Variants in CASR observed in about 807,000 individuals in gnomAD.
CASR encodes extracellular calcium-sensing receptor.
Under a neutral mutation model 69.1 loss-of-function variants are expected in CASR, and 23 were observed. The ratio of observed to expected loss-of-function variants is 0.33; its 90% CI spans 0.24 to 0.47. The LOEUF (loss-of-function observed/expected upper bound fraction) is 0.47. Ranked by LOEUF, CASR falls within the 20% of genes least tolerant of loss-of-function variation. The probability of loss-of-function intolerance (pLI) is 1.00; values close to 1 mark genes in which losing one functional copy is unlikely to be tolerated. For synonymous variants in CASR, 541 were observed against 544.7 expected, an observed-to-expected ratio of 0.99 and a Z score of 0.10; for missense variants, 924 against 1,356.1, an observed-to-expected ratio of 0.68 and a Z score of 5.00.
At chr3:122,264,448 A>C (rs565964603) in intron 4 of CASR, among the ~76,000 whole-genome samples, 1 of 152,362 alleles carries the variant, frequency 6.6e-6, no homozygotes, top group East Asian at 1.9e-4. Context: ...CAGACTACAT[A>C]GACTTAGAGT....
intron 1 of CASR, among the ~76,000 whole-genome samples, chr3:122,243,299 A>T (rs1386934479): frequency 6.6e-6 from 1 of 152,204 alleles, no homozygotes; most frequent in Non-Finnish European, 1.5e-5. Context: ...AATAACCAGA[A>T]TATTACAAGC....
At chr3:122,228,447 G>A (rs979005646) in intron 1 of CASR, among the ~76,000 whole-genome samples, 6 of 152,286 alleles carry the variant, frequency 3.9e-5, no homozygotes, top group African/African-American at 1.4e-4. Context: ...AGCCTCACTT[G>A]TGGAACGTGG....
At chr3:122,280,575 G>T (rs955405355) in intron 5 of CASR, among the ~76,000 whole-genome samples, 2 of 152,140 alleles carry the variant, frequency 1.3e-5, no homozygotes, top group Non-Finnish European at 2.9e-5. Context: ...GATGTGAGTT[G>T]TCCTTTTCCC....
chr3:122,254,664 G>A (rs972407812), intron 2 of CASR, among the ~76,000 whole-genome samples: 15 of 152,148 alleles, frequency 9.9e-5, no homozygotes, highest in African/African-American at 3.6e-4. Context: ...CAGCAGTGTT[G>A]CTTAATGGAA....
intron 4 of CASR, among the ~76,000 whole-genome samples, chr3:122,265,617 C>T (rs1456471797): frequency 1.3e-5 from 2 of 152,182 alleles, no homozygotes; most frequent in African/African-American, 2.4e-5. Context: ...TGCAGGGAAC[C>T]GTTTGAGCCA....
chr3:122,185,716 T>TGGCATGC (rs892250506), intron 1 of CASR, among the ~76,000 whole-genome samples: 3 of 152,186 alleles, frequency 2.0e-5, no homozygotes, highest in African/African-American at 7.2e-5. Flanking sequence ...ATTCCCTAAC[T>TGGCATGC]GGCATGCCTA....
chr3:122,201,093 G>A (rs2073946078), intron 1 of CASR, among the ~76,000 whole-genome samples: 1 of 149,192 alleles, frequency 6.7e-6, no homozygotes, highest in Non-Finnish European at 1.5e-5. Context: ...GGGAAGGTCA[G>A]CAGATAAACA....
At position 122,258,979 on chromosome 3, in the gene CASR, A is replaced by G. The variant is rs953177492; in HGVS notation, c.492+1592A>G. On this transcript the variant is annotated intron_variant, in intron 3 of 6. Transcript: ENST00000639785. ...CCCAGGGGTATTTCGTATGCCAGCC[A>G]CGCCACCAAGTGGATGGAACAAGCA... is the stretch of plus-strand genomic sequence containing the variant. Among the ~76,000 whole-genome samples, 5 of 152,060 alleles carry G rather than the reference A, an allele frequency of 3.3e-5. 1 individual carries two copies. In the South Asian group the frequency reaches 8.3e-4, roughly 25 times the overall value.
At chr3:122,266,444 T>A (rs2074695294) in intron 4 of CASR, among the ~76,000 whole-genome samples, 1 of 152,030 alleles carries the variant, frequency 6.6e-6, no homozygotes, top group African/African-American at 2.4e-5. Flanking sequence ...TGTTTTGTTT[T>A]TTTGAGGCAG....
At chr3:122,234,356 G>T (rs1428527269) in intron 1 of CASR, among the ~76,000 whole-genome samples, 1 of 152,144 alleles carries the variant, frequency 6.6e-6, no homozygotes, top group Admixed American at 6.5e-5. Context: ...ACCAGATTTG[G>T]CCCATGGAAT....
At chr3:122,250,093 T>C (rs1434965136) in intron 1 of CASR, among the ~76,000 whole-genome samples, 1 of 151,958 alleles carries the variant, frequency 6.6e-6, no homozygotes. Flanking sequence ...TTTTACAACA[T>C]GGAAGGTGGA....
intron 1 of CASR, among the ~76,000 whole-genome samples, chr3:122,184,700 A>G (rs970112317): frequency 2.6e-5 from 4 of 152,240 alleles, no homozygotes; most frequent in Admixed American, 6.5e-5. Context: ...ACCAGATTAC[A>G]GGATCAAGGC....
At chr3:122,255,153 CT>C (rs1296871535) in intron 2 of CASR, among the ~76,000 whole-genome samples, 1 of 152,194 alleles carries the variant, frequency 6.6e-6, no homozygotes, top group Non-Finnish European at 1.5e-5. Flanking sequence ...CTGATGCCCC[CT>C]AATTTACTGC....
At position 122,285,482 on chromosome 3, in the gene CASR, C is replaced by A. The variant is rs199514215; in HGVS notation, c.*291C>A. On this transcript the variant is annotated 3_prime_UTR_variant, in exon 7 of 7. Transcript: ENST00000639785. ...CTAATGTCTCTTCCTCTGTTCTATC[C>A]CACCCAACAGCTCAGAGATGAAACT... is the stretch of plus-strand genomic sequence containing the variant. 3.7e-5 allele frequency: 15 copies of A among 406,136 alleles called. No homozygotes were observed. The highest frequency in any genetic ancestry group is 2.0e-4 in the African/African-American group (10 of 49,144). The allele number at this position is 406,136 out of a possible 1,614,324, so 25.2% of individuals were successfully genotyped here.
At chr3:122,186,290 A>G (rs1196037804) in intron 1 of CASR, among the ~76,000 whole-genome samples, 1 of 152,214 alleles carries the variant, frequency 6.6e-6, no homozygotes, top group Non-Finnish European at 1.5e-5. Flanking sequence ...GCTGATTAGA[A>G]GCTGCCACTT....
chr3:122,212,922 A>G (rs991045875), intron 1 of CASR, among the ~76,000 whole-genome samples: 4 of 152,204 alleles, frequency 2.6e-5, no homozygotes, highest in Non-Finnish European at 4.4e-5. Flanking sequence ...AATTACAGGC[A>G]TGAGCCACAG....
At chr3:122,266,999 G>A (rs182753371) in intron 4 of CASR, among the ~76,000 whole-genome samples, 12 of 152,256 alleles carry the variant, frequency 7.9e-5, no homozygotes, top group Admixed American at 3.9e-4. Flanking sequence ...GCGAGACTCC[G>A]TCTCAAAATA....
chr3:122,282,374 C>A (rs2074902694), intron 6 of CASR, 138 bp downstream of exon 6: 1 of 856,104 alleles, frequency 1.2e-6, no homozygotes, highest in African/African-American at 1.7e-5. Context: ...CTGAGCATCA[C>A]AAAATGTTGG....
chr3:122,236,366 T>A (rs1334279455), intron 1 of CASR, among the ~76,000 whole-genome samples: 1 of 152,224 alleles, frequency 6.6e-6, no homozygotes, highest in African/African-American at 2.4e-5. Context: ...GGTTCATGAT[T>A]CTTCCGGGCA....
Sources: gnomAD v4.1 joint callset for allele counts (sites outside exome capture counted in the v4.1 genomes callset) on GRCh38, gnomAD v4.1.1 for gene constraint, MANE v1.5 for transcripts, NCBI Gene and HGNC (gene_info 2026-07-23, HGNC 2026-07-21) for gene names.